The following SOX18 variants were observed in gnomAD, a reference collection of about 807,000 sequenced individuals.
SOX18 encodes the protein transcription factor SOX-18.
A neutral mutation model predicts 9.1 loss-of-function variants in SOX18; 2 were observed. That is an observed-to-expected ratio of 0.22 (90% CI 0.09 to 0.69). The LOEUF is 0.69. Among genes scored for constraint, SOX18 ranks in the 30% least tolerant of loss-of-function variants. SOX18 has a pLI of 0.80. For missense variants in SOX18, 542 were observed against 567.3 expected, an observed-to-expected ratio of 0.96 and a Z score of 0.45; for synonymous variants, 292 against 280.5, an observed-to-expected ratio of 1.04 and a Z score of -0.41.
chr20:64,049,009 G>C, intron 1 of SOX18, 47 bp from the exon 2 acceptor site: 1 of 1,519,412 alleles, frequency 6.6e-7, no homozygotes, highest in Non-Finnish European at 8.8e-7. Context: ...GGGCGGGTGG[G>C]CGCCGAGCCC....
rs868864339 is a variant in SOX18, at chr20:64,048,498, G to T, written c.823C>A (p.Pro275Thr). 13 of 1,229,910 alleles carry T rather than the reference G, an allele frequency of 1.1e-5. No individual in the cohort carries two copies. The Middle Eastern group carries it at 9.5e-4, about 90-fold the overall frequency. 76.2% of individuals were successfully genotyped at this position (1,229,910 alleles called of 1,614,324 possible). A position where few individuals can be genotyped will look rare whatever the true frequency, so the allele number is the denominator to read the frequency against. ...TACAGGCCAGCGAGCGGCGCCGCGG[G>T]GGGCGCGGTCCTGAGCGCCTCCGCC... ...PLAEALRTAP[P>T]AAPLAGLYYG... is the part of the protein sequence containing the mutation. Residue 275 changes from proline (P) to threonine (T), a missense_variant, in exon 2 of 2, where the codon CCC becomes ACC. Pro to Thr is a conservative substitution (Grantham distance 38). Transcript: ENST00000340356.
In SOX18 at chr20:64,047,856, GC is replaced by G; in HGVS notation, c.*309del. ...ATACACTGCAAGAAAAGGAGCAGGT[GC>G]TTCAAAAATGTAACCCTGGCAACTC... On this transcript the variant is annotated 3_prime_UTR_variant, in exon 2 of 2. Coordinates refer to ENST00000340356, the MANE Select transcript of SOX18 (RefSeq NM_018419.3). 28 of 472,530 alleles carry G rather than the reference GC, an allele frequency of 5.9e-5. No individual in the cohort carries two copies. The highest frequency in any genetic ancestry group is 1.8e-4 in the South Asian group (6 of 32,974). The allele number at this position is 472,530 out of a possible 1,614,324, so 29.3% of individuals were successfully genotyped here. A position where few individuals can be genotyped will look rare whatever the true frequency, so the allele number is the denominator to read the frequency against.
Position 64,048,106 on chromosome 20 carries a change from C to T in SOX18, c.*60G>A, listed in dbSNP as rs984301887. Reference sequence around the variant, plus strand: ...GAGAGCAGAGCGGCAGCGACGCGGTCGGATCGGTCGCGGGGGCTGCGGGAG... The same window carrying T: ...GAGAGCAGAGCGGCAGCGACGCGGTTGGATCGGTCGCGGGGGCTGCGGGAG... On this transcript the variant is annotated 3_prime_UTR_variant, in exon 2 of 2. Coordinates refer to ENST00000340356, the MANE Select transcript of SOX18 (RefSeq NM_018419.3). 3.4e-5 allele frequency: 49 copies of T among 1,460,642 alleles called. No homozygotes were observed. In the Admixed American group the frequency reaches 7.5e-4, roughly 22 times the overall value. The allele number at this position is 1,460,642 out of a possible 1,614,324, so 90.5% of individuals were successfully genotyped here. A position where few individuals can be genotyped will look rare whatever the true frequency, so the allele number is the denominator to read the frequency against.
At chr20:64,049,080 A>T in intron 1 of SOX18, 79 bp downstream of exon 1, 2 of 364,688 alleles carry the variant, frequency 5.5e-6, no homozygotes, top group Non-Finnish European at 7.4e-6. Context: ...GCGGCCCGGG[A>T]CCCCTGCCCC....
rs1172690752 is a variant in SOX18 at position 64,048,741 on chromosome 20, C to G, written c.580G>C (p.Ala194Pro). Residue 194 changes from alanine to proline, a missense_variant, in exon 2 of 2, where the codon GCT becomes CCT. Physicochemically the swap from Ala to Pro is conservative, Grantham distance 27. Transcript: ENST00000340356. ...PEPFPAASGS[A>P]RAFRELPPLG... ...GGGGGCAGCTCGCGGAAGGCGCGAGCCGAGCCAGACGCCGCGGGGAAAGGC... is the reference window on the plus strand; with the variant it reads ...GGGGGCAGCTCGCGGAAGGCGCGAGGCGAGCCAGACGCCGCGGGGAAAGGC... 7.0e-7 allele frequency: 1 copy of G among 1,430,794 alleles called. No individual in the cohort carries two copies. The highest frequency in any genetic ancestry group is 9.1e-7 in the Non-Finnish European group (1 of 1,098,584). The allele number at this position is 1,430,794 out of a possible 1,614,324, so 88.6% of individuals were successfully genotyped here.
At position 64,048,050 on chromosome 20, in the gene SOX18, G is replaced by A; in HGVS notation, c.*116C>T. ...GAGCATCACTGGCTCCTAGGGGGCT[G>A]TGACATGGAACCAAACATACACGCG... On this transcript the variant is annotated 3_prime_UTR_variant, in exon 2 of 2. Coordinates refer to ENST00000340356, the MANE Select transcript of SOX18 (RefSeq NM_018419.3). The A allele has an allele frequency of 1.1e-5, 12 of 1,076,496 alleles. No individual in the cohort carries two copies. The highest frequency in any genetic ancestry group is 1.6e-5 in the Non-Finnish European group (12 of 732,470). 66.7% of individuals were successfully genotyped at this position (1,076,496 alleles called of 1,614,324 possible).
chr20:64,048,631 G>A lies in SOX18; in HGVS notation c.690C>T (p.Phe230=). The change falls in exon 2 of 2, where the codon TTC becomes TTT. Residue 230 remains phenylalanine, a synonymous_variant. Transcript: ENST00000340356. ...CCTCGGGCGCCGCGGGCGGTGGGAA[G>A]AAGGCAGCCTCGCCGGGCTCCAGGC... The part of the protein sequence containing the change: ...LDGLEPGEAA[F]FPPPAAPEDC... 1.6e-6 allele frequency: 2 copies of A among 1,260,762 alleles called. No individual in the cohort carries two copies. Among genetic ancestry groups the A allele is most frequent in the Non-Finnish European group, 2.0e-6 (2 of 1,006,668 alleles). 78.1% of individuals were successfully genotyped at this position (1,260,762 alleles called of 1,614,324 possible).
At position 64,047,824 on chromosome 20, in the gene SOX18, G is replaced by T; in HGVS notation, c.*342C>A. The T allele has an allele frequency of 2.8e-6, 1 of 359,680 alleles. No individual in the cohort carries two copies. The highest frequency in any genetic ancestry group is 5.1e-6 in the Non-Finnish European group (1 of 197,266). The allele number at this position is 359,680 out of a possible 1,614,324, so 22.3% of individuals were successfully genotyped here. A position where few individuals can be genotyped will look rare whatever the true frequency, so the allele number is the denominator to read the frequency against. ...TAAAAAATATTAATACAATCTGGTT[G>T]TAGAAAATACACTGCAAGAAAAGGA... is the stretch of plus-strand genomic sequence containing the variant. On this transcript the variant is annotated 3_prime_UTR_variant, in exon 2 of 2. Coordinates refer to ENST00000340356, the MANE Select transcript of SOX18 (RefSeq NM_018419.3).
Position 64,049,548 on chromosome 20 carries a change from C to T in SOX18, c.-32G>A. On this transcript the variant is annotated 5_prime_UTR_variant, in exon 1 of 2. Transcript: ENST00000340356. ...TGGGCGCGGCCTGGGCGGAACGGAG[C>T]GCGGGAGCGCGGCGGGCGGGCGGCG... 3 of 1,039,710 alleles carry T rather than the reference C, an allele frequency of 2.9e-6. No homozygotes were observed. Among genetic ancestry groups the T allele is most frequent in the Non-Finnish European group, 3.5e-6 (3 of 864,352 alleles). The allele number at this position is 1,039,710 out of a possible 1,614,324, so 64.4% of individuals were successfully genotyped here. A position where few individuals can be genotyped will look rare whatever the true frequency, so the allele number is the denominator to read the frequency against.
In SOX18 at chr20:64,048,149, C is replaced by T; in HGVS notation, c.*17G>A. 1 of 1,536,700 alleles carries T rather than the reference C, an allele frequency of 6.5e-7. No homozygotes were observed. Among genetic ancestry groups the T allele is most frequent in the African/African-American group, 1.4e-5 (1 of 73,248 alleles). ...TGCGGGAGGAAGCGCTGCAGGGACCCGGGCGGCGCCGGCGGCCTAGCCGGA... is the reference window on the plus strand; with the variant it reads ...TGCGGGAGGAAGCGCTGCAGGGACCTGGGCGGCGCCGGCGGCCTAGCCGGA... On this transcript the variant is annotated 3_prime_UTR_variant, in exon 2 of 2. Transcript: ENST00000340356.
chr20:64,047,809 T>C lies in SOX18; in HGVS notation c.*357A>G, dbSNP rs376641331. 3.3e-3 allele frequency: 977 copies of C among 294,918 alleles called. 37 individuals are homozygous for C. In the South Asian group the frequency reaches 0.053, roughly 16 times the overall value. The allele number at this position is 294,918 out of a possible 1,614,324, so 18.3% of individuals were successfully genotyped here. On this transcript the variant is annotated 3_prime_UTR_variant, in exon 2 of 2. Transcript: ENST00000340356. Reference sequence around the variant, plus strand: ...TTTAAAAGGGCAAAGTAAAAAATATTAATACAATCTGGTTGTAGAAAATAC... The same window carrying C: ...TTTAAAAGGGCAAAGTAAAAAATATCAATACAATCTGGTTGTAGAAAATAC...
At position 64,048,975 on chromosome 20, in the gene SOX18, G is replaced by T. The variant is rs781630976; in HGVS notation, c.359-13C>A. 1.3e-6 allele frequency: 2 copies of T among 1,577,594 alleles called. No homozygotes were observed. The highest frequency in any genetic ancestry group is 2.3e-5 in the South Asian group (2 of 88,342). ...TTCCACGCTTTGCCTGCGGGCCGTG[G>T]GCGCCAGTGAGTGGAACGCCGTCGG... On this transcript the variant is annotated splice_polypyrimidine_tract_variant and intron_variant, in intron 1 of 1. Transcript: ENST00000340356.
intron 1 of SOX18, 45 bp downstream of exon 1, chr20:64,049,114 C>T (rs778066115): frequency 2.0e-6 from 2 of 988,640 alleles, no homozygotes; most frequent in South Asian, 5.9e-5. Context: ...CGGCCCGAGC[C>T]CCCCCCGCCC....
In SOX18 at chr20:64,047,753, A is replaced by G. The variant is rs1023819156; in HGVS notation, c.*413T>C. 1 of 163,890 alleles carries G rather than the reference A, an allele frequency of 6.1e-6. No homozygotes were observed. The highest frequency in any genetic ancestry group is 1.3e-5 in the Non-Finnish European group (1 of 76,128). The allele number at this position is 163,890 out of a possible 1,614,324, so 10.2% of individuals were successfully genotyped here. A position where few individuals can be genotyped will look rare whatever the true frequency, so the allele number is the denominator to read the frequency against. ...GGAAGAAAAGTTTAAGAGTTTAATTAAAAATTAAATATATTGTATTAGGTA... is the reference window on the plus strand; with the variant it reads ...GGAAGAAAAGTTTAAGAGTTTAATTGAAAATTAAATATATTGTATTAGGTA... On this transcript the variant is annotated 3_prime_UTR_variant, in exon 2 of 2. Coordinates refer to ENST00000340356, the MANE Select transcript of SOX18 (RefSeq NM_018419.3).
Position 64,049,529 on chromosome 20 carries a change from C to T in SOX18, c.-13G>A. 2.8e-6 allele frequency: 3 copies of T among 1,068,396 alleles called. No homozygotes were observed. The highest frequency in any genetic ancestry group is 4.1e-5 in the South Asian group (1 of 24,628). The allele number at this position is 1,068,396 out of a possible 1,614,324, so 66.2% of individuals were successfully genotyped here. On this transcript the variant is annotated 5_prime_UTR_variant, in exon 1 of 2. Coordinates refer to ENST00000340356, the MANE Select transcript of SOX18 (RefSeq NM_018419.3). ...GCGATCTCTGCATTCCAGCTGGGCGCGGCCTGGGCGGAACGGAGCGCGGGA... is the reference window on the plus strand; with the variant it reads ...GCGATCTCTGCATTCCAGCTGGGCGTGGCCTGGGCGGAACGGAGCGCGGGA...
Position 64,047,876 on chromosome 20 carries a change from GCAAC to G in SOX18, c.*286_*289del. 20 of 513,832 alleles carry G rather than the reference GCAAC, an allele frequency of 3.9e-5. No individual in the cohort carries two copies. The highest frequency in any genetic ancestry group is 1.6e-4 in the South Asian group (6 of 37,780). The allele number at this position is 513,832 out of a possible 1,614,324, so 31.8% of individuals were successfully genotyped here. On this transcript the variant is annotated 3_prime_UTR_variant, in exon 2 of 2. Transcript: ENST00000340356. Reference sequence around the variant, plus strand: ...CAGGTGCTTCAAAAATGTAACCCTGGCAACTCTGCCAACAGGTCCTGGGCTCGGG... The same window carrying G: ...CAGGTGCTTCAAAAATGTAACCCTGGTCTGCCAACAGGTCCTGGGCTCGGG...
chr20:64,049,043 G>A (rs1432713725), intron 1 of SOX18, 81 bp from the exon 2 acceptor site: 1 of 1,465,524 alleles, frequency 6.8e-7, no homozygotes, highest in South Asian at 1.3e-5. Flanking sequence ...GACGCCCCGC[G>A]AGGGTTTGGC....
chr20:64,049,360 T>C lies in SOX18; in HGVS notation c.157A>G (p.Ser53Gly). The C allele has an allele frequency of 9.6e-7, 1 of 1,044,546 alleles. No homozygotes were observed. The highest frequency in any genetic ancestry group is 1.2e-6 in the Non-Finnish European group (1 of 868,290). 64.7% of individuals were successfully genotyped at this position (1,044,546 alleles called of 1,614,324 possible). The change falls in exon 1 of 2, where the codon AGC becomes GGC. Residue 53 changes from serine (S) to glycine (G), a missense_variant. Transcript: ENST00000340356. ...AAPAAPASPPSPQRSPPRSPE... is the reference protein window; with the variant it reads ...AAPAAPASPPGPQRSPPRSPE... ...CTGCGCGGGGGACTGCGCTGCGGGC[T>C]GGGCGGCGAGGCGGGCGCGGCGGGC...
intron 1 of SOX18, 61 bp from the exon 2 acceptor site, chr20:64,049,023 G>A: frequency 2.7e-6 from 4 of 1,491,800 alleles, no homozygotes; most frequent in Non-Finnish European, 3.6e-6. Context: ...CGAGCCCTCC[G>A]TGCGCCCGGG....
Sources: gnomAD v4.1 joint callset for allele counts on GRCh38, gnomAD v4.1.1 for gene constraint, MANE v1.5 for transcripts, NCBI Gene and HGNC (gene_info 2026-07-23, HGNC 2026-07-21) for gene names.